KIF21A: variants seen among roughly 807,000 people sequenced by gnomAD.
KIF21A encodes the protein kinesin family member 21A.
Under a neutral mutation model 202.9 loss-of-function variants are expected in KIF21A, and 114 were observed. The ratio of observed to expected loss-of-function variants is 0.56; its 90% confidence interval spans 0.48 to 0.66. KIF21A has a LOEUF of 0.66. Ranked by LOEUF, KIF21A falls within the 30% of genes least tolerant of loss-of-function variation. KIF21A has a pLI of 0.00. For synonymous variants in KIF21A, 667 were observed against 670.8 expected, an observed-to-expected ratio of 0.99 and a Z score of 0.09; for missense variants, 1,677 against 1,994.9, an observed-to-expected ratio of 0.84 and a Z score of 3.04.
At chr12:39,330,938 G>T in intron 22 of KIF21A, 27 bp from the exon 23 acceptor site, 1 of 1,611,986 alleles carries the variant, frequency 6.2e-7, no homozygotes, top group South Asian at 1.1e-5. Context: ...AATTATCTTA[G>T]GTCATACGAA....
rs919768659 is a variant in KIF21A, at chr12:39,398,167, G to A, written c.45-27906C>T. On this transcript the variant is annotated intron_variant, in intron 1 of 37. Coordinates refer to ENST00000361418, the MANE Select transcript of KIF21A (RefSeq NM_001173464.2). Reference sequence around the variant, plus strand: ...GCTAAATATGTACTTGAGTGTTCTAGGAAATTTACACTCTACATTTTAAAA... The same window carrying A: ...GCTAAATATGTACTTGAGTGTTCTAAGAAATTTACACTCTACATTTTAAAA... Among the ~76,000 whole-genome samples the A allele has an allele frequency of 3.9e-5, 6 of 152,138 alleles. No individual in the cohort carries two copies. The East Asian group carries it at 1.2e-3, about 29-fold the overall frequency.
intron 1 of KIF21A, among the ~76,000 whole-genome samples, chr12:39,371,370 C>T (rs1239343396): frequency 6.6e-6 from 1 of 152,198 alleles, no homozygotes; most frequent in Non-Finnish European, 1.5e-5. Flanking sequence ...ACACCCACCC[C>T]ACATCCTCAC....
At chr12:39,406,960 T>A (rs1352103149) in intron 1 of KIF21A, among the ~76,000 whole-genome samples, 1 of 152,226 alleles carries the variant, frequency 6.6e-6, no homozygotes, top group Non-Finnish European at 1.5e-5. Context: ...TAAAACTTCA[T>A]CTTCCCACTC....
chr12:39,365,055 G>A (rs1949504041), intron 6 of KIF21A, among the ~76,000 whole-genome samples: 2 of 152,234 alleles, frequency 1.3e-5, no homozygotes, highest in East Asian at 1.9e-4. Flanking sequence ...ACACCATGCA[G>A]ACTGGTAATC....
At chr12:39,421,723 TTATATA>T (rs374130613) in intron 1 of KIF21A, among the ~76,000 whole-genome samples, 2 of 135,026 alleles carry the variant, frequency 1.5e-5, no homozygotes, top group African/African-American at 5.6e-5. Context: ...TATATATAAT[TTATATA>T]TATATATATA....
chr12:39,428,956 C>CAAA (rs931501673), intron 1 of KIF21A, among the ~76,000 whole-genome samples: 2 of 65,612 alleles, frequency 3.0e-5, no homozygotes, highest in African/African-American at 6.1e-5. Flanking sequence ...GACTCCGTCT[C>CAAA]AAAAAAAAAA....
chr12:39,410,480 T>G (rs1952999130), intron 1 of KIF21A, among the ~76,000 whole-genome samples: 1 of 152,198 alleles, frequency 6.6e-6, no homozygotes. Context: ...TTATCATAGT[T>G]GCATAATGTT....
chr12:39,407,418 T>C (rs1054049086), intron 1 of KIF21A, among the ~76,000 whole-genome samples: 37 of 152,302 alleles, frequency 2.4e-4, no homozygotes, highest in African/African-American at 8.7e-4. Flanking sequence ...CTGTACCTCC[T>C]TTACTCAGGC....
At chr12:39,338,447 T>G (rs2138311631) in intron 16 of KIF21A, among the ~76,000 whole-genome samples, 1 of 151,472 alleles carries the variant, frequency 6.6e-6, no homozygotes, top group Non-Finnish European at 1.5e-5. Context: ...CTGAGGAGAG[T>G]TTTTAAAATA....
chr12:39,406,971 C>G (rs549021163), intron 1 of KIF21A, among the ~76,000 whole-genome samples: 1 of 152,340 alleles, frequency 6.6e-6, no homozygotes, highest in East Asian at 1.9e-4. Context: ...CTTCCCACTC[C>G]AAAATCTACC....
chr12:39,348,753 G>A (rs996435787), intron 11 of KIF21A, among the ~76,000 whole-genome samples: 8 of 151,716 alleles, frequency 5.3e-5, no homozygotes, highest in African/African-American at 1.9e-4. Flanking sequence ...GCCCCAGACA[G>A]GTTTTAGAAA....
intron 15 of KIF21A, among the ~76,000 whole-genome samples, 176 bp downstream of exon 15, chr12:39,340,730 C>T (rs1013903919): frequency 1.3e-5 from 2 of 151,942 alleles, no homozygotes; most frequent in African/African-American, 4.8e-5. Flanking sequence ...AAAGTATTTA[C>T]AAGCTACATA....
chr12:39,388,458 C>G (rs1005732558), intron 1 of KIF21A, among the ~76,000 whole-genome samples: 2 of 152,098 alleles, frequency 1.3e-5, no homozygotes, highest in African/African-American at 4.8e-5. Context: ...CAAAAATGGA[C>G]GAAGACATTC....
intron 1 of KIF21A, among the ~76,000 whole-genome samples, chr12:39,400,349 T>G (rs1416634469): frequency 6.6e-6 from 1 of 152,154 alleles, no homozygotes; most frequent in African/African-American, 2.4e-5. Context: ...GGTAAACATG[T>G]GCCATGGTGG....
chr12:39,371,118 A>C (rs950684341), intron 1 of KIF21A, among the ~76,000 whole-genome samples: 11 of 152,214 alleles, frequency 7.2e-5, no homozygotes, highest in Non-Finnish European at 1.3e-4. Flanking sequence ...AAGAAAAGGA[A>C]GTCTGTACAT....
chr12:39,404,882 T>G (rs918755443), intron 1 of KIF21A, among the ~76,000 whole-genome samples: 1 of 152,198 alleles, frequency 6.6e-6, no homozygotes, highest in African/African-American at 2.4e-5. Flanking sequence ...ATCAATAATA[T>G]TCCAAATAGT....
At chr12:39,401,337 G>A (rs940870533) in intron 1 of KIF21A, among the ~76,000 whole-genome samples, 1 of 152,048 alleles carries the variant, frequency 6.6e-6, no homozygotes, top group African/African-American at 2.4e-5. Context: ...ACTTGTTTCC[G>A]GGTCAAAAGC....
rs1387812928 is a variant in KIF21A at position 39,360,727 on chromosome 12, T to C, written c.1020-2354A>G. 3.3e-5 allele frequency among the ~76,000 whole-genome samples: 5 copies of C among 152,304 alleles called. No individual in the cohort carries two copies. In the East Asian group the frequency reaches 9.6e-4, roughly 29 times the overall value. On this transcript the variant is annotated intron_variant, in intron 7 of 37. Coordinates refer to ENST00000361418, the MANE Select transcript of KIF21A (RefSeq NM_001173464.2). ...TGATTTTTATTCATGCTTTATACTT[T>C]CCTGTATTTTCCAGAATTTTTGCCA... is the stretch of plus-strand genomic sequence containing the variant.
intron 34 of KIF21A, 77 bp from the exon 35 acceptor site, chr12:39,305,015 C>T: frequency 1.4e-6 from 1 of 738,028 alleles, no homozygotes; most frequent in South Asian, 1.5e-5. Flanking sequence ...CATAAACGAT[C>T]TACATTCTTT....
Sources: gnomAD v4.1 joint callset for allele counts (sites outside exome capture counted in the v4.1 genomes callset) on GRCh38, gnomAD v4.1.1 for gene constraint, MANE v1.5 for transcripts, NCBI Gene and HGNC (gene_info 2026-07-23, HGNC 2026-07-21) for gene names.